DHRS7: variants seen among roughly 807,000 people sequenced by gnomAD.
DHRS7 encodes the protein dehydrogenase/reductase SDR family member 7.
In DHRS7, 34 loss-of-function variants were observed where a neutral mutation model predicts 38.9. The ratio of observed to expected loss-of-function variants is 0.87; its 90% confidence interval spans 0.66 to 1.16. DHRS7 has a LOEUF of 1.16. DHRS7 is among the 50% of genes most tolerant of loss of function. The probability of loss-of-function intolerance (pLI) is 0.00; values close to 1 mark genes in which losing one functional copy is unlikely to be tolerated. For missense variants in DHRS7, 421 were observed against 407.0 expected (o/e 1.03, Z -0.30); for synonymous variants, 158 against 153.1 (o/e 1.03, Z -0.24).
intron 1 of DHRS7, among the ~76,000 whole-genome samples, chr14:60,159,531 A>G (rs1896721224): frequency 3.3e-5 from 5 of 152,264 alleles, no homozygotes; most frequent in Admixed American, 1.3e-4. Context: ...GTGCAAATGT[A>G]TTGGAAACTT....
intron 1 of DHRS7, among the ~76,000 whole-genome samples, chr14:60,163,344 G>A (rs1896801328): frequency 6.6e-6 from 1 of 151,924 alleles, no homozygotes; most frequent in Non-Finnish European, 1.5e-5. Flanking sequence ...TTTTGAGACA[G>A]TGTCTCACTA....
chr14:60,159,338 A>C, intron 1 of DHRS7: 1 of 397,664 alleles, frequency 2.5e-6, no homozygotes, highest in Non-Finnish European at 4.8e-6. Context: ...ACAGAATTGA[A>C]GCCCTTCTGT....
intron 2 of DHRS7, 50 bp from the exon 3 acceptor site, chr14:60,154,115 G>A: frequency 2.1e-6 from 3 of 1,459,460 alleles, no homozygotes; most frequent in East Asian, 2.3e-5. Context: ...GTTCAGTCAA[G>A]CTCCTTGCTA....
At chr14:60,169,553 A>G (rs1004006313), upstream of DHRS7, 1 of 152,246 alleles carries the variant, frequency 6.6e-6, no homozygotes, top group Non-Finnish European at 1.5e-5. Context: ...TGTCAAATAT[A>G]TACACCTGTG....
intron 1 of DHRS7, among the ~76,000 whole-genome samples, chr14:60,160,307 C>T (rs1025226540): frequency 5.4e-5 from 8 of 147,636 alleles, no homozygotes; most frequent in Non-Finnish European, 1.0e-4. Context: ...CAAAGTGAGA[C>T]TCTATCTCAA....
At chr14:60,168,664 C>T, upstream of DHRS7, 1 of 1,536,966 alleles carries the variant, frequency 6.5e-7, no homozygotes, top group Non-Finnish European at 8.7e-7. Flanking sequence ...GCTTTTTCCT[C>T]TCCTTCTCTT....
At chr14:60,158,632 C>T (rs1044277548) in intron 1 of DHRS7, among the ~76,000 whole-genome samples, 2 of 152,186 alleles carry the variant, frequency 1.3e-5, no homozygotes, top group African/African-American at 4.8e-5. Context: ...TTATTTAGCA[C>T]CGTTTGTTTC....
chr14:60,168,680 TCCCC>T, upstream of DHRS7: 2 of 1,548,188 alleles, frequency 1.3e-6, no homozygotes, highest in African/African-American at 1.4e-5. Flanking sequence ...CTCTTTTTTC[TCCCC>T]TCTCCAGCCA....
chr14:60,151,539 A>C (rs201160428), intron 4 of DHRS7, among the ~76,000 whole-genome samples: 2,559 of 151,106 alleles, frequency 0.017, 89 homozygotes, highest in East Asian at 0.15. Context: ...ATGAACCCAA[A>C]AAAAAAAAAA....
chr14:60,148,238 A>G lies in DHRS7; in HGVS notation c.972+1115T>C, dbSNP rs751032083. Reference sequence around the variant, plus strand: ...GTCTAACAATTAGTGGATTGCTTAAATTTTTGCAGGTATATATAGTATGAT... The same window carrying G: ...GTCTAACAATTAGTGGATTGCTTAAGTTTTTGCAGGTATATATAGTATGAT... On this transcript the variant is annotated intron_variant, in intron 6 of 6. Transcript: ENST00000557185. The surrounding 1 kb of genome is among the most constrained non-coding windows in gnomAD (Gnocchi z 4.8). 1.3e-5 allele frequency: 2 copies of G among 152,172 alleles called. No homozygotes were observed. Among genetic ancestry groups the G allele is most frequent in the Non-Finnish European group, 2.9e-5 (2 of 68,018 alleles). 9.4% of individuals were successfully genotyped at this position (152,172 alleles called of 1,614,324 possible).
intron 1 of DHRS7, among the ~76,000 whole-genome samples, chr14:60,164,725 A>G (rs1896831320): frequency 6.6e-6 from 1 of 152,188 alleles, no homozygotes; most frequent in Non-Finnish European, 1.5e-5. Flanking sequence ...GAAGTGGAGG[A>G]CAGACTACTT....
rs1019146103 is a variant in DHRS7 at position 60,153,669 on chromosome 14, C to A, written c.393+290G>T. ...CGATATCACACCACTGCACTCCAGC[C>A]TGGGCGACAGAGCAAGACTTTGTCT... On this transcript the variant is annotated intron_variant, in intron 3 of 6. Coordinates refer to ENST00000557185, the MANE Select transcript of DHRS7 (RefSeq NM_016029.4). The surrounding 1 kb of genome is among the most constrained non-coding windows in gnomAD (Gnocchi z 4.4). Among the ~76,000 whole-genome samples the A allele has an allele frequency of 4.6e-5, 7 of 152,018 alleles. No individual in the cohort carries two copies. Among genetic ancestry groups the A allele is most frequent in the African/African-American group, 1.5e-4 (6 of 41,300 alleles).
At chr14:60,165,734 C>A (rs1896859343), upstream of DHRS7, 1 of 963,642 alleles carries the variant, frequency 1.0e-6, no homozygotes. This position sits in a 1 kb window ranked among gnomAD's most constrained non-coding sequence, Gnocchi z 4.6. Flanking sequence ...CAGATAGAAT[C>A]ATTCTTGCTT....
chr14:60,165,514 C>G (rs1267998515), upstream of DHRS7: 26 of 1,289,900 alleles, frequency 2.0e-5, no homozygotes, highest in Non-Finnish European at 2.3e-5. This position sits in a 1 kb window ranked among gnomAD's most constrained non-coding sequence, Gnocchi z 4.6. Context: ...TTGGGCGGCC[C>G]GCGCCCTCAT....
chr14:60,169,307 C>CCAACAATG (rs1478538185), upstream of DHRS7, among the ~76,000 whole-genome samples: 4 of 152,142 alleles, frequency 2.6e-5, no homozygotes, highest in African/African-American at 9.7e-5. Context: ...CCAGATGGAT[C>CCAACAATG]CAACAATGCT....
rs201920626 is a variant in DHRS7, at chr14:60,150,196, C to A, written c.634-9G>T. 0.17 allele frequency: 199,675 copies of A among 1,177,806 alleles called. 15,420 individuals are homozygous for A. The highest frequency in any genetic ancestry group is 0.52 in the African/African-American group (27,425 of 53,132). 73.0% of individuals were successfully genotyped at this position (1,177,806 alleles called of 1,614,324 possible). On this transcript the variant is annotated splice_polypyrimidine_tract_variant and intron_variant, in intron 4 of 6. Transcript: ENST00000557185. The stretch of plus-strand genomic sequence containing the variant: ...AGGCCATTAAAAAAACCCTAACAGA[C>A]AAAAAAAAAAAAAAAGGAAAAAGGC...
chr14:60,168,291 C>A (rs893580284), upstream of DHRS7, among the ~76,000 whole-genome samples: 1 of 152,204 alleles, frequency 6.6e-6, no homozygotes, highest in Non-Finnish European at 1.5e-5. Context: ...TTATAGCTCT[C>A]ATTCTCTCTC....
At position 60,149,404 on chromosome 14, in the gene DHRS7, C is replaced by G; in HGVS notation, c.921G>C (p.Trp307Cys). Reference protein sequence around the residue: ...LWQYMPTWAWWITNKMGKKRI... With the variant: ...LWQYMPTWAWCITNKMGKKRI... ...TTTTCTTCCCCATCTTGTTGGTTAT[C>G]CACCAGGCCCAGGTTGGCATGTATT... Residue 307 changes from tryptophan to cysteine, a missense_variant, in exon 6 of 7, where the codon TGG becomes TGC. Transcript: ENST00000557185. 1 of 1,614,174 alleles carries G rather than the reference C, an allele frequency of 6.2e-7. No homozygotes were observed. The highest frequency in any genetic ancestry group is 8.5e-7 in the Non-Finnish European group (1 of 1,180,028).
upstream of DHRS7, among the ~76,000 whole-genome samples, chr14:60,168,037 A>G (rs553505000): frequency 1.2e-4 from 19 of 152,198 alleles, no homozygotes; most frequent in Non-Finnish European, 2.6e-4. Context: ...GCTGTACCCC[A>G]GCTACAAGCG....
Sources: gnomAD v4.1 joint callset for allele counts (sites outside exome capture counted in the v4.1 genomes callset) on GRCh38, gnomAD v4.1.1 for gene constraint, Gnocchi (gnomAD v3.1) non-coding constraint, MANE v1.5 for transcripts, NCBI Gene and HGNC (gene_info 2026-07-23, HGNC 2026-07-21) for gene names.